Variants in COL3A1 observed in about 807,000 individuals in gnomAD.
COL3A1 encodes the protein collagen type III alpha 1 chain, also known as collagen alpha-1(III) chain.
Under a neutral mutation model 200.9 loss-of-function variants are expected in COL3A1, and 46 were observed. The ratio of observed to expected loss-of-function variants is 0.23; its 90% confidence interval spans 0.18 to 0.29. COL3A1 has a LOEUF of 0.29. Among genes scored for constraint, COL3A1 ranks in the 10% least tolerant of loss-of-function variants. COL3A1 has a pLI of 1.00. For synonymous variants in COL3A1, 650 were observed against 628.0 expected (o/e 1.03, Z -0.52); for missense variants, 1,367 against 1,917.6 (o/e 0.71, Z 5.36).
intron 21 of COL3A1, 163 bp from the exon 22 acceptor site, chr2:188,995,529 G>A: frequency 1.7e-6 from 1 of 597,126 alleles, no homozygotes; most frequent in East Asian, 2.9e-5. Context: ...TTTCAATATG[G>A]CAATCCAAGC....
rs16830984 is a variant in COL3A1, at chr2:188,990,918, A to G, written c.799-86A>G. Reference sequence around the variant, plus strand: ...TTTGCAAGTAGTGTTATGAAGACCAATTAGAAAAATACCATGTAAACTTTA... The same window carrying G: ...TTTGCAAGTAGTGTTATGAAGACCAGTTAGAAAAATACCATGTAAACTTTA... On this transcript the variant is annotated intron_variant, in intron 10 of 50. Transcript: ENST00000304636. The G allele has an allele frequency of 0.011, 15,027 of 1,373,298 alleles. 1,178 individuals are homozygous for G. In the African/African-American group the frequency reaches 0.18, roughly 17 times the overall value. 85.1% of individuals were successfully genotyped at this position (1,373,298 alleles called of 1,614,324 possible). A position where few individuals can be genotyped will look rare whatever the true frequency, so the allele number is the denominator to read the frequency against.
chr2:188,998,192 A>G, intron 27 of COL3A1, 74 bp from the exon 28 acceptor site: 1 of 1,357,976 alleles, frequency 7.4e-7, no homozygotes, highest in South Asian at 1.2e-5. Context: ...TTGCAGAAAC[A>G]TGTGTACATA....
rs201315795 is a variant in COL3A1 at position 188,997,686 on chromosome 2, T to C, written c.1870-14T>C. 13 of 1,611,920 alleles carry C rather than the reference T, an allele frequency of 8.1e-6. No homozygotes were observed. In the East Asian group the frequency reaches 2.9e-4, roughly 36 times the overall value. On this transcript the variant is annotated splice_polypyrimidine_tract_variant and intron_variant, in intron 26 of 50. Coordinates refer to ENST00000304636, the MANE Select transcript of COL3A1 (RefSeq NM_000090.4). ...AGGATGTTTACAACAGAGTGTATCATTATACTTTTCTAGGGGCCTGGTGGT... is the reference window on the plus strand; with the variant it reads ...AGGATGTTTACAACAGAGTGTATCACTATACTTTTCTAGGGGCCTGGTGGT...
At position 188,995,712 on chromosome 2, in the gene COL3A1, T is replaced by C; in HGVS notation, c.1530T>C (p.Gly510=). The part of the protein sequence containing the change: ...PGEKGPAGER[G]APGPAGPRGA... ...CTTAGGGTCCTGCTGGAGAGCGTGG[T>C]GCTCCAGGCCCTGCAGGGCCCAGAG... Residue 510 remains glycine, a synonymous_variant, in exon 22 of 51, where the codon GGT becomes GGC. Transcript: ENST00000304636. 6.4e-7 allele frequency: 1 copy of C among 1,559,172 alleles called. No homozygotes were observed. Among genetic ancestry groups the C allele is most frequent in the Non-Finnish European group, 8.7e-7 (1 of 1,151,098 alleles).
chr2:188,981,525 G>T (rs903585622), intron 1 of COL3A1, among the ~76,000 whole-genome samples: 1 of 151,388 alleles, frequency 6.6e-6, no homozygotes, highest in Non-Finnish European at 1.5e-5. Context: ...ATAGTAGAAT[G>T]AAATTATTTG....
rs761742677 is a variant in COL3A1 at position 188,995,706 on chromosome 2, G to A, written c.1524G>A (p.Glu508=). The A allele has an allele frequency of 3.5e-5, 55 of 1,557,094 alleles. No individual in the cohort carries two copies. The highest frequency in any genetic ancestry group is 4.5e-5 in the Non-Finnish European group (52 of 1,150,004). The change falls in exon 22 of 51, where the codon GAG becomes GAA. Residue 508 remains glutamate, a synonymous_variant. Transcript: ENST00000304636. ...GIPGEKGPAG[E]RGAPGPAGPR... ...TCACTACTTAGGGTCCTGCTGGAGA[G>A]CGTGGTGCTCCAGGCCCTGCAGGGC...
At chr2:188,992,107 A>G (rs1688201935) in intron 13 of COL3A1, 77 bp from the exon 14 acceptor site, 1 of 1,438,640 alleles carries the variant, frequency 7.0e-7, no homozygotes, top group East Asian at 2.3e-5. Context: ...CACTTGAGTC[A>G]GAATTTTGGT....
chr2:188,992,832 G>T, intron 14 of COL3A1, 55 bp from the exon 15 acceptor site: 1 of 1,416,682 alleles, frequency 7.1e-7, no homozygotes, highest in Non-Finnish European at 1.0e-6. Context: ...TTACTAGTAT[G>T]TCAGCTTTCA....
At chr2:189,002,146 T>C in intron 34 of COL3A1, 152 bp from the exon 35 acceptor site, 1 of 690,518 alleles carries the variant, frequency 1.4e-6, no homozygotes, top group South Asian at 1.6e-5. Flanking sequence ...CCTAATTTTA[T>C]TGAGAAGTGG....
Position 189,004,364 on chromosome 2 carries a change from G to A in COL3A1, c.2931G>A (p.Lys977=). Residue 977 remains lysine, a splice_region_variant and synonymous_variant, in exon 40 of 51, where the codon AAG becomes AAA. Transcript: ENST00000304636. ...PRGSPGPQGV[K]GESGKPGANG... The stretch of plus-strand genomic sequence containing the variant: ...GAAGCCCTGGCCCTCAGGGTGTCAA[G>A]GTGAGTATAGTCATTTTCCACTACA... The A allele has an allele frequency of 6.3e-7, 1 of 1,588,258 alleles. No homozygotes were observed. The highest frequency in any genetic ancestry group is 1.2e-5 in the South Asian group (1 of 86,818).
chr2:188,988,946 C>T (rs1439691998), intron 7 of COL3A1, among the ~76,000 whole-genome samples: 2 of 151,560 alleles, frequency 1.3e-5, no homozygotes, highest in Admixed American at 1.3e-4. Flanking sequence ...TCAGTTCACT[C>T]ATATCTAATC....
chr2:188,993,333 A>G, intron 15 of COL3A1, 28 bp from the exon 16 acceptor site: 1 of 1,539,404 alleles, frequency 6.5e-7, no homozygotes, highest in Non-Finnish European at 8.8e-7. Flanking sequence ...TGGTAAGAGA[A>G]ACTGACTACA....
chr2:188,999,184 A>G (rs899709836), intron 29 of COL3A1, 101 bp from the exon 30 acceptor site: 13 of 1,102,930 alleles, frequency 1.2e-5, no homozygotes, highest in East Asian at 5.1e-5. Flanking sequence ...ATTGTTCACA[A>G]TATAATAACC....
chr2:188,980,843 C>T (rs560763096), intron 1 of COL3A1, among the ~76,000 whole-genome samples: 2 of 151,100 alleles, frequency 1.3e-5, no homozygotes, highest in South Asian at 4.2e-4. Context: ...ATATGAATGC[C>T]AAATACCCAC....
intron 49 of COL3A1, 102 bp from the exon 50 acceptor site, chr2:189,010,546 A>T: frequency 6.5e-7 from 1 of 1,529,314 alleles, no homozygotes; most frequent in Admixed American, 1.7e-5. Context: ...CATAAAATAT[A>T]TAAACAGCCC....
Position 188,985,219 on chromosome 2 carries a change from A to T in COL3A1, c.305A>T (p.Gln102Leu), listed in dbSNP as rs748033086. ...TAGCCTACTCGCCCTCCTAATGGTC[A>T]AGGACCTCAAGGCCCCAAGGGAGAT... ...PTAPTRPPNG[Q>L]GPQGPKGDPG... Residue 102 changes from glutamine (Q) to leucine (L), a missense_variant, in exon 3 of 51, where the codon CAA (glutamine) becomes CTA (leucine). Gln to Leu is a moderately radical substitution (Grantham distance 113). Coordinates refer to ENST00000304636, the MANE Select transcript of COL3A1 (RefSeq NM_000090.4). 1.2e-6 allele frequency: 2 copies of T among 1,612,372 alleles called. No homozygotes were observed. The highest frequency in any genetic ancestry group is 4.5e-5 in the East Asian group (2 of 44,836).
chr2:188,989,418 C>T lies in COL3A1; in HGVS notation c.659C>T (p.Ala220Val), dbSNP rs867258281. 1.9e-6 allele frequency: 3 copies of T among 1,606,460 alleles called. No homozygotes were observed. Among genetic ancestry groups the T allele is most frequent in the Middle Eastern group, 2.0e-4 (1 of 5,090 alleles). ...GPSGPPGPPG[A>V]IGPSGPAGKD... ...CAGGGCCCTCCAGGACCTCCTGGTG[C>T]TATAGGTCCATCTGGTCCTGCTGGA... The change falls in exon 8 of 51, where the codon GCT becomes GTT. Residue 220 changes from alanine (A) to valine (V), a missense_variant. Ala to Val is a moderately conservative substitution (Grantham distance 64, BLOSUM62 0). This residue lies in a region of COL3A1 where 462 missense variants were observed against 681.4 expected (regional missense o/e 0.68). Coordinates refer to ENST00000304636, the MANE Select transcript of COL3A1 (RefSeq NM_000090.4).
At chr2:188,978,138 G>A (rs1159117523) in intron 1 of COL3A1, 6 of 296,390 alleles carry the variant, frequency 2.0e-5, no homozygotes, top group Non-Finnish European at 4.2e-5. Context: ...TACTCTTTAA[G>A]TGATCTAAAG....
intron 29 of COL3A1, 85 bp from the exon 30 acceptor site, chr2:188,999,200 G>T: frequency 1.6e-6 from 2 of 1,212,508 alleles, no homozygotes; most frequent in Non-Finnish European, 2.4e-6. Flanking sequence ...TAACCTAGTG[G>T]CCTGATTCAA....
Sources: allele counts gnomAD v4.1 joint callset (sites outside exome capture counted in the v4.1 genomes callset), GRCh38; gene constraint gnomAD v4.1.1; regional missense constraint gnomAD v4.1.1; transcripts MANE v1.5; gene names NCBI Gene and HGNC (gene_info 2026-07-23, HGNC 2026-07-21).